Variants in DOK6 observed in about 807,000 individuals in gnomAD.
DOK6 encodes docking protein 6, also known as downstream of tyrosine kinase 6.
A neutral mutation model predicts 44.0 loss-of-function variants in DOK6; 22 were observed. The ratio of observed to expected loss-of-function variants is 0.50; its 90% CI spans 0.36 to 0.71. The LOEUF is 0.71. DOK6 is among the 30% of genes least tolerant of loss of function. The pLI is 0.00. For missense variants in DOK6, 340 were observed against 416.4 expected (o/e 0.82, Z 1.60); for synonymous variants, 166 against 145.5 (o/e 1.14, Z -1.01).
intron 3 of DOK6, among the ~76,000 whole-genome samples, chr18:69,657,189 A>T (rs1985390467): frequency 6.6e-6 from 1 of 152,180 alleles, no homozygotes; most frequent in South Asian, 2.1e-4. Flanking sequence ...AAGTGAAAGG[A>T]TGGGAAGGAT....
intron 7 of DOK6, among the ~76,000 whole-genome samples, chr18:69,782,122 A>C (rs962242065): frequency 6.6e-6 from 1 of 151,914 alleles, no homozygotes. Context: ...GAAAGAGTGG[A>C]TGTTTTGAAA....
chr18:69,612,570 C>T (rs1163046214), intron 3 of DOK6, among the ~76,000 whole-genome samples: 1 of 152,224 alleles, frequency 6.6e-6, no homozygotes, highest in Non-Finnish European at 1.5e-5. Context: ...ACATTTCCTT[C>T]CATTTTCAGC....
At chr18:69,827,006 A>G (rs1599347456) in intron 7 of DOK6, among the ~76,000 whole-genome samples, 2 of 152,266 alleles carry the variant, frequency 1.3e-5, no homozygotes, top group Admixed American at 1.3e-4. Flanking sequence ...CTTCTTTTTA[A>G]TCTCTGTACT....
rs148822739 is a variant in DOK6, at chr18:69,652,243, C to T, written c.290-25491C>T. Among the ~76,000 whole-genome samples, 68 of 152,228 alleles carry T rather than the reference C, an allele frequency of 4.5e-4. 1 individual carries two copies. Among genetic ancestry groups the T allele is most frequent in the Admixed American group, 2.2e-3 (34 of 15,292 alleles). On this transcript the variant is annotated intron_variant, in intron 3 of 7. Coordinates refer to ENST00000382713, the MANE Select transcript of DOK6 (RefSeq NM_152721.6). ...ACTTTCAGAGAAGTTGTTTTTTATA[C>T]AATACACTAAAAATAATATAAAAAG... is the stretch of plus-strand genomic sequence containing the variant.
intron 1 of DOK6, among the ~76,000 whole-genome samples, chr18:69,449,525 A>AATAATATAT (rs1422572972): frequency 6.6e-6 from 1 of 152,252 alleles, no homozygotes; most frequent in Non-Finnish European, 1.5e-5. Flanking sequence ...TTGGGTCTTA[A>AATAATATAT]ATAATATATA....
chr18:69,691,457 A>G (rs1485112138), intron 4 of DOK6, among the ~76,000 whole-genome samples: 1 of 152,176 alleles, frequency 6.6e-6, no homozygotes, highest in Non-Finnish European at 1.5e-5. Context: ...AGGAGGACAG[A>G]CTGGCTTCTC....
At chr18:69,489,249 A>C (rs1159371889) in intron 1 of DOK6, among the ~76,000 whole-genome samples, 1 of 152,072 alleles carries the variant, frequency 6.6e-6, no homozygotes. Context: ...CTTCCAGAAA[A>C]CTTTTCAGAC....
intron 1 of DOK6, among the ~76,000 whole-genome samples, chr18:69,433,950 T>A (rs1978877162): frequency 6.6e-6 from 1 of 152,220 alleles, no homozygotes; most frequent in Admixed American, 6.5e-5. Flanking sequence ...AAAAGAAAAC[T>A]ACATGTACTA....
intron 3 of DOK6, among the ~76,000 whole-genome samples, chr18:69,610,087 T>G (rs1568310478): frequency 6.6e-6 from 1 of 152,194 alleles, no homozygotes; most frequent in African/African-American, 2.4e-5. Flanking sequence ...CTGTACAACA[T>G]GGCACCTCTA....
intron 1 of DOK6, among the ~76,000 whole-genome samples, chr18:69,474,345 A>G (rs1392965277): frequency 6.6e-6 from 1 of 152,058 alleles, no homozygotes; most frequent in Non-Finnish European, 1.5e-5. Context: ...TAAAAGCAAC[A>G]TGGCCCCCTA....
At chr18:69,570,370 G>C (rs1012380137) in intron 2 of DOK6, among the ~76,000 whole-genome samples, 2 of 151,830 alleles carry the variant, frequency 1.3e-5, no homozygotes, top group African/African-American at 4.8e-5. Context: ...TGAACTTAAA[G>C]ATAGAACAAC....
chr18:69,746,545 C>T (rs1458607089), intron 6 of DOK6, among the ~76,000 whole-genome samples: 1 of 152,160 alleles, frequency 6.6e-6, no homozygotes, highest in Non-Finnish European at 1.5e-5. Context: ...CATGAGCCAC[C>T]GCACCTGGCC....
intron 7 of DOK6, among the ~76,000 whole-genome samples, chr18:69,793,753 G>A (rs1980664398): frequency 6.6e-6 from 1 of 151,990 alleles, no homozygotes; most frequent in African/African-American, 2.4e-5. Flanking sequence ...TCTTAGAAGA[G>A]ATAGCACTTT....
At chr18:69,799,937 A>G (rs1980853832) in intron 7 of DOK6, among the ~76,000 whole-genome samples, 2 of 152,170 alleles carry the variant, frequency 1.3e-5, no homozygotes, top group Non-Finnish European at 2.9e-5. Context: ...ATTAATTATA[A>G]TAGCTGTCTT....
intron 1 of DOK6, among the ~76,000 whole-genome samples, chr18:69,434,949 AG>A: frequency 9.0e-6 from 1 of 111,392 alleles, no homozygotes. Context: ...GGAGGGAGGG[AG>A]GGAGGGAAGG....
At chr18:69,476,704 G>GAGGTAGCAGGAAGC (rs1007633585) in intron 1 of DOK6, among the ~76,000 whole-genome samples, 1 of 152,252 alleles carries the variant, frequency 6.6e-6, no homozygotes, top group African/African-American at 2.4e-5. Flanking sequence ...TTGAGGAGAA[G>GAGGTAGCAGGAAGC]AGGTAGCAGG....
intron 2 of DOK6, among the ~76,000 whole-genome samples, chr18:69,568,378 C>A (rs568990286): frequency 6.6e-6 from 1 of 152,326 alleles, no homozygotes; most frequent in South Asian, 2.1e-4. Flanking sequence ...TTGACCAAAG[C>A]ACATCCATTT....
chr18:69,673,455 A>G (rs1985853634), intron 3 of DOK6, among the ~76,000 whole-genome samples: 1 of 152,200 alleles, frequency 6.6e-6, no homozygotes, highest in Non-Finnish European at 1.5e-5. Context: ...CATCAGTCCC[A>G]TGTCACTGTA....
intron 2 of DOK6, among the ~76,000 whole-genome samples, chr18:69,599,128 G>C (rs1983813372): frequency 6.6e-6 from 1 of 152,098 alleles, no homozygotes; most frequent in Non-Finnish European, 1.5e-5. Flanking sequence ...AAAGCACAAA[G>C]TCCATAGAAC....
Sources: gnomAD v4.1 joint callset for allele counts (sites outside exome capture counted in the v4.1 genomes callset) on GRCh38, gnomAD v4.1.1 for gene constraint, MANE v1.5 for transcripts, NCBI Gene and HGNC (gene_info 2026-07-23, HGNC 2026-07-21) for gene names.